The following ADAMTSL1 variants were observed in gnomAD, a reference collection of about 807,000 sequenced individuals.
ADAMTSL1 encodes the protein ADAMTS-like protein 1.
In ADAMTSL1, 126 loss-of-function variants were observed where a neutral mutation model predicts 201.8. The observed-to-expected ratio is 0.62, with a 90% CI of 0.54 to 0.72. ADAMTSL1 has a LOEUF of 0.72. Ranked by LOEUF, ADAMTSL1 falls within the 30% of genes least tolerant of loss-of-function variation. The pLI is 0.00. For synonymous variants in ADAMTSL1, 1,121 were observed against 903.4 expected (o/e 1.24, Z -4.32); for missense variants, 2,679 against 2,277.8 (o/e 1.18, Z -3.59).
At chr9:18,592,835 G>T (rs1824012357) in intron 4 of ADAMTSL1, among the ~76,000 whole-genome samples, 1 of 152,092 alleles carries the variant, frequency 6.6e-6, no homozygotes, top group South Asian at 2.1e-4. Context: ...TAACAATATT[G>T]ATTCTTCCAA....
intron 26 of ADAMTSL1, among the ~76,000 whole-genome samples, chr9:18,897,470 G>A (rs115354116): frequency 0.015 from 2,348 of 152,230 alleles, 66 homozygotes; most frequent in South Asian, 0.084. Flanking sequence ...ATCTGGGCCA[G>A]CAACAGGTCA....
chr9:18,870,036 G>A (rs951269838), intron 23 of ADAMTSL1, among the ~76,000 whole-genome samples: 1 of 151,944 alleles, frequency 6.6e-6, no homozygotes, highest in African/African-American at 2.4e-5. Flanking sequence ...AGATTGTCTA[G>A]TAAATTTTTC....
intron 1 of ADAMTSL1, among the ~76,000 whole-genome samples, chr9:18,005,415 A>G (rs1035599257): frequency 2.6e-5 from 4 of 152,072 alleles, no homozygotes; most frequent in South Asian, 2.1e-4. Context: ...CCCAAGCACA[A>G]CTTGCTTTCA....
rs1354453378 is a variant in ADAMTSL1 at position 18,453,499 on chromosome 9, TC to T, written c.208-51329del. Among the ~76,000 whole-genome samples, 9 of 152,310 alleles carry T rather than the reference TC, an allele frequency of 5.9e-5. No homozygotes were observed. The South Asian group carries it at 1.7e-3, about 28-fold the overall frequency. On this transcript the variant is annotated intron_variant, in intron 2 of 29. Coordinates refer to the ADAMTSL1 transcript ENST00000680146. ...TCTGAACATGCTTTTTTAATTTTTT[TC>T]AGGGCCAGGCTGAAATTTTTCAAAA... is the stretch of plus-strand genomic sequence containing the variant.
intron 2 of ADAMTSL1, among the ~76,000 whole-genome samples, chr9:18,193,412 C>T (rs1432622141): frequency 6.6e-6 from 1 of 152,012 alleles, no homozygotes; most frequent in African/African-American, 2.4e-5. Context: ...ACAGTAGGAT[C>T]CATGGTGCCT....
At chr9:18,083,067 A>G (rs916141576) in intron 1 of ADAMTSL1, among the ~76,000 whole-genome samples, 1 of 152,244 alleles carries the variant, frequency 6.6e-6, no homozygotes, top group Non-Finnish European at 1.5e-5. Flanking sequence ...CTTTATTGCA[A>G]TAGCGTTATA....
Position 18,574,241 on chromosome 9 carries a change from A to T in ADAMTSL1, c.449A>T (p.Asp150Val), listed in dbSNP as rs201650032. 6.2e-7 allele frequency: 1 copy of T among 1,614,102 alleles called. No homozygotes were observed. The highest frequency in any genetic ancestry group is 1.7e-5 in the Admixed American group (1 of 60,016). ...ACGCGTTGCTATACAGAATCTTTGG[A>T]TATGTGCATCAGTGGTTTATGCCAA... ...DGTRCYTESL[D>V]MCISGLCQIV... The change falls in exon 4 of 29, where the codon GAT becomes GTT. Residue 150 changes from aspartate (D) to valine (V), a missense_variant. Asp to Val is a radical substitution (Grantham distance 152). Transcript: ENST00000380548.
chr9:18,886,410 A>G (rs1031759708), intron 23 of ADAMTSL1, among the ~76,000 whole-genome samples: 31 of 151,628 alleles, frequency 2.0e-4, no homozygotes, highest in African/African-American at 7.5e-4. Context: ...ATTAGAAAAA[A>G]TCCCTTCTCT....
intron 23 of ADAMTSL1, among the ~76,000 whole-genome samples, chr9:18,847,882 GA>G (rs1163825460): frequency 6.6e-6 from 1 of 152,228 alleles, no homozygotes; most frequent in Non-Finnish European, 1.5e-5. Flanking sequence ...AACAGTGAGA[GA>G]AAAATCTATA....
chr9:18,035,581 C>T (rs959032133), intron 1 of ADAMTSL1, among the ~76,000 whole-genome samples: 2 of 152,148 alleles, frequency 1.3e-5, no homozygotes, highest in African/African-American at 4.8e-5. Context: ...CTCAATGAGG[C>T]CTGCCTTAAT....
chr9:18,433,439 G>A (rs1376800062), intron 2 of ADAMTSL1, among the ~76,000 whole-genome samples: 1 of 151,936 alleles, frequency 6.6e-6, no homozygotes, highest in Non-Finnish European at 1.5e-5. Context: ...AATGTCTTAG[G>A]GTCTTCAATG....
At chr9:17,943,042 C>G (rs1827306091) in intron 1 of ADAMTSL1, among the ~76,000 whole-genome samples, 1 of 152,110 alleles carries the variant, frequency 6.6e-6, no homozygotes, top group South Asian at 2.1e-4. Flanking sequence ...CTGCTTTAGC[C>G]TCCCAAGTAG....
At chr9:18,228,834 G>A (rs1207594125) in intron 2 of ADAMTSL1, among the ~76,000 whole-genome samples, 1 of 140,344 alleles carries the variant, frequency 7.1e-6, no homozygotes, top group Non-Finnish European at 1.6e-5. Context: ...GTGATTCAGA[G>A]TTTTTTTGTT....
At chr9:18,894,030 T>G (rs959352030) in intron 26 of ADAMTSL1, among the ~76,000 whole-genome samples, 2 of 152,158 alleles carry the variant, frequency 1.3e-5, no homozygotes, top group Non-Finnish European at 2.9e-5. Context: ...CAGCCCACAA[T>G]ATTTGCAGGA....
chr9:18,838,163 A>G (rs574432899), intron 23 of ADAMTSL1, among the ~76,000 whole-genome samples: 1 of 152,202 alleles, frequency 6.6e-6, no homozygotes, highest in Admixed American at 6.5e-5. Flanking sequence ...GCAGGCAAAG[A>G]GAGAGCTTAT....
At chr9:18,218,413 T>G (rs1294463477) in intron 2 of ADAMTSL1, among the ~76,000 whole-genome samples, 1 of 152,196 alleles carries the variant, frequency 6.6e-6, no homozygotes, top group Non-Finnish European at 1.5e-5. Flanking sequence ...ATATATTGAC[T>G]GCTTGCTAGT....
At chr9:18,289,374 A>C (rs1264210835) in intron 2 of ADAMTSL1, among the ~76,000 whole-genome samples, 1 of 152,228 alleles carries the variant, frequency 6.6e-6, no homozygotes, top group South Asian at 2.1e-4. Flanking sequence ...TGTTTAACCA[A>C]GTAGCTGGGC....
At chr9:18,416,810 A>G (rs1818696524) in intron 2 of ADAMTSL1, among the ~76,000 whole-genome samples, 2 of 152,016 alleles carry the variant, frequency 1.3e-5, no homozygotes, top group African/African-American at 2.4e-5. Context: ...GGAGAAATAA[A>G]CAAATTCATA....
At chr9:18,133,885 G>A (rs1164921819) in intron 1 of ADAMTSL1, among the ~76,000 whole-genome samples, 1 of 152,142 alleles carries the variant, frequency 6.6e-6, no homozygotes, top group Non-Finnish European at 1.5e-5. Context: ...CCTTAACCAT[G>A]ATACAATATT....
Sources: allele counts gnomAD v4.1 joint callset (sites outside exome capture counted in the v4.1 genomes callset), GRCh38; gene constraint gnomAD v4.1.1; transcripts MANE v1.5; gene names NCBI Gene and HGNC (gene_info 2026-07-23, HGNC 2026-07-21).